PXDNL: variants seen among roughly 807,000 people sequenced by gnomAD.
PXDNL encodes probable oxidoreductase PXDNL.
In PXDNL, 145 loss-of-function variants were observed where a neutral mutation model predicts 150.8. The ratio of observed to expected loss-of-function variants is 0.96; its 90% CI spans 0.84 to 1.10. The LOEUF is 1.10. Among genes scored for constraint, PXDNL ranks in the 50% least tolerant of loss-of-function variants. PXDNL has a pLI of 0.00. For synonymous variants in PXDNL, 757 were observed against 725.7 expected, an observed-to-expected ratio of 1.04 and a Z score of -0.69; for missense variants, 2,087 against 1,873.9, an observed-to-expected ratio of 1.11 and a Z score of -2.10.
At chr8:51,735,527 T>TGTTTTTTTTG (rs371335847) in intron 1 of PXDNL, among the ~76,000 whole-genome samples, 9 of 95,594 alleles carry the variant, frequency 9.4e-5, no homozygotes, top group Non-Finnish European at 1.6e-4. Context: ...TTAAAAATTG[T>TGTTTTTTTTG]TTTTTTTTTT....
chr8:51,702,521 C>T (rs1453863494), intron 1 of PXDNL, among the ~76,000 whole-genome samples: 2 of 152,182 alleles, frequency 1.3e-5, no homozygotes, highest in Non-Finnish European at 2.9e-5. Flanking sequence ...CTAACACGCT[C>T]CCTTTTTCCA....
At chr8:51,632,642 C>A (rs967355452) in intron 2 of PXDNL, among the ~76,000 whole-genome samples, 2 of 152,062 alleles carry the variant, frequency 1.3e-5, no homozygotes, top group African/African-American at 4.8e-5. Context: ...AATATTTACA[C>A]CACGATGCAG....
chr8:51,330,441 C>T (rs1054463791), intron 21 of PXDNL, among the ~76,000 whole-genome samples: 1 of 152,086 alleles, frequency 6.6e-6, no homozygotes, highest in East Asian at 1.9e-4. Context: ...TATGAATTTT[C>T]GACAGGCTGT....
chr8:51,700,184 CA>C (rs1563511419), intron 1 of PXDNL, among the ~76,000 whole-genome samples: 6 of 151,196 alleles, frequency 4.0e-5, no homozygotes, highest in African/African-American at 1.5e-4. Flanking sequence ...CACACACACA[CA>C]CACACACACA....
chr8:51,806,056 G>C (rs890678841), intron 1 of PXDNL, among the ~76,000 whole-genome samples: 2 of 152,178 alleles, frequency 1.3e-5, no homozygotes, highest in East Asian at 1.9e-4. Context: ...TTTGGTAAAT[G>C]ATATTAGTTT....
intron 1 of PXDNL, 60 bp from the exon 2 acceptor site, chr8:51,654,820 TC>T: frequency 7.5e-7 from 1 of 1,327,198 alleles, no homozygotes. Flanking sequence ...TGCCATTATT[TC>T]CAGAAGCTTG....
Position 51,650,017 on chromosome 8 carries a change from C to T in PXDNL, c.236+4672G>A, listed in dbSNP as rs184235081. 2.9e-4 allele frequency among the ~76,000 whole-genome samples: 43 copies of T among 149,698 alleles called. No individual in the cohort carries two copies. The East Asian group carries it at 7.9e-3, about 28-fold the overall frequency. Reference sequence around the variant, plus strand: ...AGTTGGGAGGCTGAGGCAGGAGAATCACTTAAACCCCTGAGGCAGAGGTTG... The same window carrying T: ...AGTTGGGAGGCTGAGGCAGGAGAATTACTTAAACCCCTGAGGCAGAGGTTG... On this transcript the variant is annotated intron_variant, in intron 2 of 22. Coordinates refer to ENST00000356297, the MANE Select transcript of PXDNL (RefSeq NM_144651.5).
At chr8:51,743,108 A>G (rs926428824) in intron 1 of PXDNL, among the ~76,000 whole-genome samples, 8 of 152,058 alleles carry the variant, frequency 5.3e-5, no homozygotes, top group African/African-American at 1.9e-4. Context: ...TTATTTTGCC[A>G]TCTCATTAAA....
intron 2 of PXDNL, among the ~76,000 whole-genome samples, chr8:51,597,431 C>A (rs1434649608): frequency 1.3e-5 from 2 of 151,976 alleles, no homozygotes; most frequent in African/African-American, 4.8e-5. Flanking sequence ...TTTTCCAATT[C>A]TGTGAAAAAC....
chr8:51,768,681 G>A (rs945380899), intron 1 of PXDNL, among the ~76,000 whole-genome samples: 2 of 152,154 alleles, frequency 1.3e-5, no homozygotes, highest in African/African-American at 4.8e-5. Flanking sequence ...AAGCTGGGTT[G>A]AATCATTTAT....
intron 5 of PXDNL, among the ~76,000 whole-genome samples, chr8:51,496,592 C>A (rs1811057539): frequency 6.6e-6 from 1 of 152,148 alleles, no homozygotes; most frequent in South Asian, 2.1e-4. Flanking sequence ...TCTCAAGATA[C>A]AGGATACAAA....
chr8:51,575,114 T>C (rs980508477), intron 3 of PXDNL, among the ~76,000 whole-genome samples: 1 of 152,048 alleles, frequency 6.6e-6, no homozygotes, highest in African/African-American at 2.4e-5. Flanking sequence ...AAGACAATTA[T>C]ATTATAAATC....
intron 4 of PXDNL, among the ~76,000 whole-genome samples, chr8:51,549,420 A>G (rs1812433414): frequency 1.3e-5 from 2 of 152,144 alleles, no homozygotes. Context: ...AAGATAGAAC[A>G]TTATGACAGG....
At chr8:51,532,532 G>A (rs1466698947) in intron 4 of PXDNL, among the ~76,000 whole-genome samples, 1 of 152,176 alleles carries the variant, frequency 6.6e-6, no homozygotes, top group Non-Finnish European at 1.5e-5. Context: ...TGCTATTTCA[G>A]TAGAACTGAG....
At chr8:51,691,659 A>C (rs1468648038) in intron 1 of PXDNL, among the ~76,000 whole-genome samples, 1 of 152,224 alleles carries the variant, frequency 6.6e-6, no homozygotes, top group East Asian at 1.9e-4. Flanking sequence ...TCATTAAGAC[A>C]AAGGCACAAC....
At chr8:51,727,728 G>A (rs535207526) in intron 1 of PXDNL, among the ~76,000 whole-genome samples, 2 of 152,266 alleles carry the variant, frequency 1.3e-5, no homozygotes, top group African/African-American at 4.8e-5. Context: ...TGGAACTAGG[G>A]ATCTACAATC....
chr8:51,757,376 C>T (rs2037113533), intron 1 of PXDNL, among the ~76,000 whole-genome samples: 1 of 152,188 alleles, frequency 6.6e-6, no homozygotes, highest in South Asian at 2.1e-4. Flanking sequence ...CTCCGCAGTG[C>T]CCATCATCTG....
intron 13 of PXDNL, among the ~76,000 whole-genome samples, chr8:51,424,197 T>C (rs1175381839): frequency 6.6e-6 from 1 of 151,690 alleles, no homozygotes; most frequent in Admixed American, 6.6e-5. Context: ...ACCCCATCCC[T>C]ACAAAAAAAA....
At chr8:51,589,370 T>C (rs7838725) in intron 3 of PXDNL, among the ~76,000 whole-genome samples, 7,749 of 151,982 alleles carry the variant, frequency 0.051, 461 homozygotes, top group African/African-American at 0.15. Context: ...TCTGGAGGAG[T>C]AGGCTAGAAA....
Sources: allele counts gnomAD v4.1 joint callset (sites outside exome capture counted in the v4.1 genomes callset), GRCh38; gene constraint gnomAD v4.1.1; transcripts MANE v1.5; gene names NCBI Gene and HGNC (gene_info 2026-07-23, HGNC 2026-07-21).